The following AATK variants were observed in gnomAD, a reference collection of about 807,000 sequenced individuals.
The protein encoded by AATK is serine/threonine-protein kinase LMTK1.
In AATK, 91 loss-of-function variants were observed where a neutral mutation model predicts 114.3. The ratio of observed to expected loss-of-function variants is 0.80; its 90% CI spans 0.67 to 0.95. The LOEUF is 0.95. Among genes scored for constraint, AATK ranks in the 40% least tolerant of loss-of-function variants. The pLI is 0.00. For synonymous variants in AATK, 1,075 were observed against 916.5 expected, an observed-to-expected ratio of 1.17 and a Z score of -3.12; for missense variants, 2,176 against 1,965.2, an observed-to-expected ratio of 1.11 and a Z score of -2.03.
chr17:81,122,384 C>T lies in AATK; in HGVS notation c.1552G>A (p.Val518Met). ...PDGAPPGVVP[V>M]LSAHSPSLGS... ...AGCGACGGGCTGTGCGCGCTGAGCA[C>T]CGGAACCACGCCCGGGGGCGCGCCG... is the stretch of plus-strand genomic sequence containing the variant. Residue 518 changes from valine to methionine, a missense_variant, in exon 11 of 14, where the codon GTG becomes ATG. Transcript: ENST00000326724. 1 of 1,489,544 alleles carries T rather than the reference C, an allele frequency of 6.7e-7. No individual in the cohort carries two copies. The highest frequency in any genetic ancestry group is 8.9e-7 in the Non-Finnish European group (1 of 1,123,792). 92.3% of individuals were successfully genotyped at this position (1,489,544 alleles called of 1,614,324 possible).
chr17:81,133,033 GGA>G (rs1392715929), intron 2 of AATK, among the ~76,000 whole-genome samples: 9 of 152,162 alleles, frequency 5.9e-5, no homozygotes, highest in Non-Finnish European at 1.2e-4. Context: ...TCTGGCCTCG[GGA>G]TCCCCAGGAA....
chr17:81,119,460 G>A lies in AATK; in HGVS notation c.4004C>T (p.Ser1335Leu), dbSNP rs766394968. 4.6e-6 allele frequency: 7 copies of A among 1,514,428 alleles called. No individual in the cohort carries two copies. Among genetic ancestry groups the A allele is most frequent in the African/African-American group, 2.9e-5 (2 of 68,306 alleles). 93.8% of individuals were successfully genotyped at this position (1,514,428 alleles called of 1,614,324 possible). ...GGGCGCGGGCGACACCGTGAAGCGC[G>A]AGAAGGGAGCGGGCGTGGGCGTGGG... ...AAPTPTPAPF[S>L]RFTVSPAPTS... Residue 1335 changes from serine (S) to leucine (L), a missense_variant, in exon 13 of 14, where the codon TCG becomes TTG. By Grantham distance (145) the Ser-to-Leu change is moderately radical. Coordinates refer to ENST00000326724, the MANE Select transcript of AATK (RefSeq NM_001080395.3).
At position 81,140,759 on chromosome 17, in the gene AATK, AGCCGTGGG is replaced by A. The variant is rs1567819594; in HGVS notation, c.56-6266_56-6259del. The stretch of plus-strand genomic sequence containing the variant: ...GGGGCCGGGAGACCGTGGGGCCGTG[AGCCGTGGG>A]GCTGTGGGGCGGTGAGACCGTGGGG... On this transcript the variant is annotated intron_variant, in intron 1 of 13. Transcript: ENST00000326724. 1.0e-3 allele frequency among the ~76,000 whole-genome samples: 38 copies of A among 37,340 alleles called. 4 individuals are homozygous for A. The highest frequency in any genetic ancestry group is 3.8e-3 in the South Asian group (4 of 1,054). 24.5% of individuals were successfully genotyped at this position (37,340 alleles called of 152,430 possible).
At chr17:81,131,823 A>G in intron 2 of AATK, 1 of 1,289,964 alleles carries the variant, frequency 7.8e-7, no homozygotes, top group Non-Finnish European at 1.0e-6. Flanking sequence ...AAGTGCCCCC[A>G]CCCCTGCCGG....
At position 81,126,499 on chromosome 17, in the gene AATK, CG is replaced by C. The variant is rs1399512970; in HGVS notation, c.682del (p.Arg228GlyfsTer38). Reference sequence around the variant, plus strand: ...CTCACAGGCCATGCGCTGCAGGGTCCGGGGGTCGGGAGCCATGGACTCCGCC... The same window carrying C: ...CTCACAGGCCATGCGCTGCAGGGTCCGGGGTCGGGAGCCATGGACTCCGCC... ...RVAESMAPDP[R>X]TLQRMACEVA... On this transcript the variant is annotated frameshift_variant, in exon 7 of 14. Transcript: ENST00000326724. LOFTEE classifies it high-confidence loss of function. The surrounding 1 kb of genome is among the most constrained non-coding windows in gnomAD (Gnocchi z 5.1). 1.3e-6 allele frequency: 2 copies of C among 1,551,620 alleles called. No individual in the cohort carries two copies. The highest frequency in any genetic ancestry group is 1.2e-5 in the South Asian group (1 of 84,196).
Position 81,134,378 on chromosome 17 carries a change from A to G in AATK, c.179T>C (p.Ile60Thr), listed in dbSNP as rs2060980376. 6.2e-7 allele frequency: 1 copy of G among 1,613,190 alleles called. No individual in the cohort carries two copies. Among genetic ancestry groups the G allele is most frequent in the Non-Finnish European group, 8.5e-7 (1 of 1,179,790 alleles). Reference protein sequence around the residue: ...LACLCCKKGGIGFKEFENAEG... With the variant: ...LACLCCKKGGTGFKEFENAEG... ...GCCCCCAGGCCTCACCTTGAACCCG[A>G]TACCGCCCTTCTTACAGCACAGGCA... The change falls in exon 2 of 14, where the codon ATC becomes ACC. Residue 60 changes from isoleucine to threonine, a missense_variant. Ile to Thr is a moderately conservative substitution (Grantham distance 89). Around this residue, in one of 4 missense-constraint regions of AATK, gnomAD observed 178 missense variants for 175.4 expected, o/e 1.01. Coordinates refer to ENST00000326724, the MANE Select transcript of AATK (RefSeq NM_001080395.3).
chr17:81,127,988 C>G, intron 4 of AATK, 78 bp from the exon 5 acceptor site: 2 of 1,511,582 alleles, frequency 1.3e-6, no homozygotes, highest in Admixed American at 4.0e-5. Context: ...TTCTCCCACC[C>G]GCCCCACGCC....
intron 1 of AATK, among the ~76,000 whole-genome samples, chr17:81,144,955 G>A (rs374753753): frequency 1.4e-4 from 21 of 152,308 alleles, no homozygotes; most frequent in South Asian, 2.1e-4. Context: ...ACTTCAGGCC[G>A]GGCGCGGTGG....
At chr17:81,119,243 AGCGGGGCCGGG>A (rs2060644463) in intron 13 of AATK, 126 bp downstream of exon 13, 2 of 215,554 alleles carry the variant, frequency 9.3e-6, no homozygotes, top group Admixed American at 1.2e-4. Flanking sequence ...GCCGGGAAGG[AGCGGGGCCGGG>A]AAGGAGCGGA....
Position 81,120,704 on chromosome 17 carries a change from G to C in AATK, c.3232C>G (p.Pro1078Ala). 8 of 1,532,612 alleles carry C rather than the reference G, an allele frequency of 5.2e-6. No homozygotes were observed. Among genetic ancestry groups the C allele is most frequent in the Non-Finnish European group, 7.0e-6 (8 of 1,139,102 alleles). The allele number at this position is 1,532,612 out of a possible 1,614,324, so 94.9% of individuals were successfully genotyped here. The change falls in exon 11 of 14, where the codon CCA becomes GCA. Residue 1078 changes from proline (P) to alanine (A), a missense_variant. By Grantham distance (27) the Pro-to-Ala change is conservative. Transcript: ENST00000326724. ...EPSTCPSGLV[P>A]EPPEPQGPAK... Reference sequence around the variant, plus strand: ...GGGCCTTGGGGCTCCGGAGGCTCTGGGACCAGGCCCGAGGGGCAGGTGCTG... The same window carrying C: ...GGGCCTTGGGGCTCCGGAGGCTCTGCGACCAGGCCCGAGGGGCAGGTGCTG...
In AATK at chr17:81,138,115, CAG is replaced by C. The variant is rs760738473; in HGVS notation, c.56-3616_56-3615del. 3.5e-4 allele frequency among the ~76,000 whole-genome samples: 52 copies of C among 150,094 alleles called. 1 individual carries two copies. Among genetic ancestry groups the C allele is most frequent in the Non-Finnish European group, 3.0e-5 (2 of 67,512 alleles). ...ACACGCGGACACATACGTGTGCACACAGACATACCCCACACACACATGCACAC... is the reference window on the plus strand; with the variant it reads ...ACACGCGGACACATACGTGTGCACACACATACCCCACACACACATGCACAC... On this transcript the variant is annotated intron_variant, in intron 1 of 13. Transcript: ENST00000326724.
Position 81,120,028 on chromosome 17 carries a change from G to T in AATK, c.3791C>A (p.Pro1264His), listed in dbSNP as rs1316385760. The T allele has an allele frequency of 6.9e-7, 1 of 1,454,100 alleles. No individual in the cohort carries two copies. The highest frequency in any genetic ancestry group is 9.1e-7 in the Non-Finnish European group (1 of 1,101,408). 90.1% of individuals were successfully genotyped at this position (1,454,100 alleles called of 1,614,324 possible). A position where few individuals can be genotyped will look rare whatever the true frequency, so the allele number is the denominator to read the frequency against. The change falls in exon 12 of 14, where the codon CCT (proline) becomes CAT (histidine). Residue 1264 changes from proline to histidine, a missense_variant. Pro to His is a moderately conservative substitution (Grantham distance 77). Coordinates refer to ENST00000326724, the MANE Select transcript of AATK (RefSeq NM_001080395.3). ...EPFPGAKESP[P>H]TFLRGSPGSP... ...GCCGGGGCTCCCCCTAAGGAACGTAGGGGGCGATTCCTTGGCGCCCGGGAA... is the reference window on the plus strand; with the variant it reads ...GCCGGGGCTCCCCCTAAGGAACGTATGGGGCGATTCCTTGGCGCCCGGGAA...
Position 81,123,181 on chromosome 17 carries a change from G to A in AATK, c.1112+13C>T. 2.8e-6 allele frequency: 4 copies of A among 1,424,276 alleles called. No homozygotes were observed. Among genetic ancestry groups the A allele is most frequent in the Middle Eastern group, 1.9e-4 (1 of 5,186 alleles). The allele number at this position is 1,424,276 out of a possible 1,614,324, so 88.2% of individuals were successfully genotyped here. On this transcript the variant is annotated intron_variant, in intron 10 of 13. Transcript: ENST00000326724. ...CGGCCTGGCTGTCCGGGACAGGGCA[G>A]TGGGGCCCTCACCAGCGGTCCGACA...
At chr17:81,129,505 T>C (rs1179024173) in intron 3 of AATK, among the ~76,000 whole-genome samples, 1 of 152,114 alleles carries the variant, frequency 6.6e-6, no homozygotes, top group East Asian at 1.9e-4. Context: ...ATTGCCCAGG[T>C]TTCTCCCCGC....
chr17:81,155,399 A>AT (rs1355883531), intron 1 of AATK, among the ~76,000 whole-genome samples: 16 of 146,630 alleles, frequency 1.1e-4, no homozygotes, highest in East Asian at 4.0e-4. Context: ...TATTATTATT[A>AT]TTTTTTGAGA....
At position 81,120,345 on chromosome 17, in the gene AATK, C is replaced by A; in HGVS notation, c.3591G>T (p.Val1197=). The change falls in exon 11 of 14, where the codon GTG becomes GTT. Residue 1197 remains valine (V), a synonymous_variant. Coordinates refer to ENST00000326724, the MANE Select transcript of AATK (RefSeq NM_001080395.3). The part of the protein sequence containing the change: ...SEEEAPAVPV[V]VAESQSARNL... The stretch of plus-strand genomic sequence containing the variant: ...TGCGCGCGCTCTGGCTCTCAGCCAC[C>A]ACCACGGGCACCGCCGGCGCCTCCT... 1 of 1,610,158 alleles carries A rather than the reference C, an allele frequency of 6.2e-7. No homozygotes were observed. The highest frequency in any genetic ancestry group is 1.7e-5 in the Admixed American group (1 of 59,950).
Position 81,123,276 on chromosome 17 carries a change from G to A in AATK, c.1030C>T (p.Gln344Ter). The change falls in exon 10 of 14, where the codon CAG becomes TAG. Residue 344 changes from glutamine to a stop codon, truncating the protein, a stop_gained. Coordinates refer to ENST00000326724, the MANE Select transcript of AATK (RefSeq NM_001080395.3). LOFTEE classifies it high-confidence loss of function. ...CGGACCGTGTACGCCAGCACCTGCT[G>A]GTCCGAGTGCTGGGGATAGGGCTGC... ...GTQPYPQHSD[Q>*]QVLAYTVREQ... 1 of 1,404,908 alleles carries A rather than the reference G, an allele frequency of 7.1e-7. No individual in the cohort carries two copies. Among genetic ancestry groups the A allele is most frequent in the Non-Finnish European group, 9.3e-7 (1 of 1,078,696 alleles). 87.0% of individuals were successfully genotyped at this position (1,404,908 alleles called of 1,614,324 possible).
At chr17:81,148,659 A>G (rs1214488781) in intron 1 of AATK, among the ~76,000 whole-genome samples, 1 of 152,228 alleles carries the variant, frequency 6.6e-6, no homozygotes, top group East Asian at 1.9e-4. Context: ...TGCCTGCGGC[A>G]CACCTGGGGC....
Position 81,123,518 on chromosome 17 carries a change from C to G in AATK, c.963-175G>C, listed in dbSNP as rs560011467. On this transcript the variant is annotated intron_variant, in intron 9 of 13. Transcript: ENST00000326724. ...GAGGACAGCGCGTCCTTTCAGCAGG[C>G]AATGTGCACCCTGCCAGGCCCAAGC... Among the ~76,000 whole-genome samples the G allele has an allele frequency of 6.6e-5, 10 of 152,294 alleles. No individual in the cohort carries two copies. The South Asian group carries it at 2.1e-3, about 32-fold the overall frequency.
Sources: allele counts gnomAD v4.1 joint callset (sites outside exome capture counted in the v4.1 genomes callset), GRCh38; gene constraint gnomAD v4.1.1; regional missense constraint gnomAD v4.1.1; non-coding constraint Gnocchi (gnomAD v3.1); transcripts MANE v1.5; gene names NCBI Gene and HGNC (gene_info 2026-07-23, HGNC 2026-07-21).